The following PTPRD variants were observed in gnomAD, a reference collection of about 807,000 sequenced individuals.
PTPRD encodes the protein protein tyrosine phosphatase receptor type D.
Under a neutral mutation model 214.5 loss-of-function variants are expected in PTPRD, and 34 were observed. The ratio of observed to expected loss-of-function variants is 0.16; its 90% CI spans 0.12 to 0.21. The LOEUF (loss-of-function observed/expected upper bound fraction) is 0.21, where lower values mean the gene tolerates loss of function less well. Among genes scored for constraint, PTPRD ranks in the 10% least tolerant of loss-of-function variants. The pLI is 1.00. For missense variants in PTPRD, 2,545 were observed against 2,398.7 expected (o/e 1.06, Z -1.27); for synonymous variants, 1,128 against 845.7 (o/e 1.33, Z -5.79).
chr9:9,109,450 T>C (rs574468518), intron 10 of PTPRD, among the ~76,000 whole-genome samples: 1 of 152,220 alleles, frequency 6.6e-6, no homozygotes, highest in South Asian at 2.1e-4. Flanking sequence ...TGTATTGCTC[T>C]AAAATGAAGA....
chr9:9,559,367 C>G (rs1322591077), intron 8 of PTPRD, among the ~76,000 whole-genome samples: 2 of 152,226 alleles, frequency 1.3e-5, no homozygotes, highest in African/African-American at 4.8e-5. Flanking sequence ...AACACTGGCA[C>G]TTAGCTCCCT....
chr9:10,080,559 T>G (rs746105535), intron 3 of PTPRD, among the ~76,000 whole-genome samples: 1 of 152,118 alleles, frequency 6.6e-6, no homozygotes, highest in African/African-American at 2.4e-5. Flanking sequence ...CGCAGAAGAC[T>G]CATATTTATT....
At chr9:9,283,710 T>A (rs1167903685) in intron 9 of PTPRD, among the ~76,000 whole-genome samples, 1 of 151,448 alleles carries the variant, frequency 6.6e-6, no homozygotes, top group African/African-American at 2.4e-5. Flanking sequence ...AAATAAAAAA[T>A]TGTTTCTCTT....
At chr9:8,586,694 C>G (rs1383110235) in intron 14 of PTPRD, among the ~76,000 whole-genome samples, 6 of 152,216 alleles carry the variant, frequency 3.9e-5, no homozygotes, top group Non-Finnish European at 8.8e-5. Flanking sequence ...CAGTCACTGT[C>G]TATGCCTTTG....
At chr9:9,387,662 T>C (rs568384158) in intron 9 of PTPRD, among the ~76,000 whole-genome samples, 6 of 152,184 alleles carry the variant, frequency 3.9e-5, no homozygotes, top group South Asian at 2.1e-4. Context: ...CTGAAAGTGA[T>C]AGTACATGCT....
rs755376868 is a variant in PTPRD, at chr9:8,425,136, A to G, written c.4086+11456T>C. On this transcript the variant is annotated intron_variant, in intron 35 of 45. Transcript: ENST00000381196. ...TGCCACTACCATTTTATAATTTTAC[A>G]ATTAAATACATAAATAAGTAAAGTC... Among the ~76,000 whole-genome samples, 26 of 152,298 alleles carry G rather than the reference A, an allele frequency of 1.7e-4. 1 individual carries two copies. Among genetic ancestry groups the G allele is most frequent in the Non-Finnish European group, 2.8e-4 (19 of 68,024 alleles).
intron 8 of PTPRD, among the ~76,000 whole-genome samples, chr9:9,523,679 CACTTG>C (rs2154257739): frequency 6.6e-6 from 1 of 152,264 alleles, no homozygotes; most frequent in Admixed American, 6.5e-5. Context: ...TTACTTGAGG[CACTTG>C]ACACTCTTGA....
At position 8,500,816 on chromosome 9, in the gene PTPRD, G is replaced by A. The variant is rs2136956162; in HGVS notation, c.2066C>T (p.Ala689Val). The A allele has an allele frequency of 6.2e-7, 1 of 1,614,120 alleles. No individual in the cohort carries two copies. The highest frequency in any genetic ancestry group is 8.5e-7 in the Non-Finnish European group (1 of 1,180,010). ...KWTEYRITVT[A>V]HTDVGPGPES... ...AGGGCCAGGGCCGACATCTGTATGG[G>A]CTGTCACAGTGATCCGGTATTCAGT... The change falls in exon 24 of 46, where the codon GCC becomes GTC. Residue 689 changes from alanine to valine, a missense_variant. Transcript: ENST00000381196.
intron 14 of PTPRD, among the ~76,000 whole-genome samples, chr9:8,587,180 G>A (rs16928144): frequency 0.053 from 8,112 of 152,002 alleles, 711 homozygotes; most frequent in African/African-American, 0.19. Context: ...CAAAAAGAAC[G>A]GAAGCCTAGA....
intron 12 of PTPRD, among the ~76,000 whole-genome samples, chr9:8,690,394 G>T (rs1259276151): frequency 6.6e-6 from 1 of 151,844 alleles, no homozygotes; most frequent in African/African-American, 2.4e-5. Flanking sequence ...GGGCATGGTG[G>T]TGGGTGCCTG....
chr9:10,349,983 AT>A (rs1172528056), intron 2 of PTPRD, among the ~76,000 whole-genome samples: 1 of 152,208 alleles, frequency 6.6e-6, no homozygotes, highest in African/African-American at 2.4e-5. Flanking sequence ...GTTTTAAATA[AT>A]TGAAAGAGAA....
chr9:9,425,242 G>A (rs530518693), intron 8 of PTPRD, among the ~76,000 whole-genome samples: 4 of 151,992 alleles, frequency 2.6e-5, no homozygotes, highest in South Asian at 2.1e-4. Flanking sequence ...CTGTCATCAG[G>A]AGAGACATAC....
intron 10 of PTPRD, among the ~76,000 whole-genome samples, chr9:9,163,056 T>C (rs1323569823): frequency 6.6e-6 from 1 of 152,130 alleles, no homozygotes; most frequent in East Asian, 1.9e-4. Flanking sequence ...ACTCCTTTTA[T>C]CTACTCTCAC....
chr9:9,358,392 G>T (rs1176998747), intron 9 of PTPRD, among the ~76,000 whole-genome samples: 2 of 151,186 alleles, frequency 1.3e-5, no homozygotes, highest in Non-Finnish European at 3.0e-5. Context: ...AATCAGAAAA[G>T]AATATACCAG....
intron 5 of PTPRD, among the ~76,000 whole-genome samples, chr9:9,884,911 C>A (rs773881298): frequency 6.6e-5 from 10 of 152,072 alleles, no homozygotes; most frequent in Non-Finnish European, 1.3e-4. Context: ...TCAATTAAAC[C>A]TCTTTCCTTT....
At chr9:10,201,269 A>T (rs1184260640) in intron 3 of PTPRD, among the ~76,000 whole-genome samples, 2 of 152,064 alleles carry the variant, frequency 1.3e-5, no homozygotes, top group Non-Finnish European at 2.9e-5. Context: ...AGAAAATCTG[A>T]TAAGATAAAG....
At chr9:10,255,885 A>T (rs1253044865) in intron 3 of PTPRD, among the ~76,000 whole-genome samples, 10 of 152,176 alleles carry the variant, frequency 6.6e-5, no homozygotes, top group Non-Finnish European at 1.3e-4. Flanking sequence ...CCAGGGATTC[A>T]TAACCCCCAG....
At position 8,726,591 on chromosome 9, in the gene PTPRD, ATATAT is replaced by A. The variant is rs2098569173; in HGVS notation, c.64+7184_64+7188del. 5.2e-4 allele frequency among the ~76,000 whole-genome samples: 6 copies of A among 11,638 alleles called. 2 individuals are homozygous for A. Among genetic ancestry groups the A allele is most frequent in the African/African-American group, 2.0e-3 (4 of 1,970 alleles). The allele number at this position is 11,638 out of a possible 152,430, so 7.6% of individuals were successfully genotyped here. On this transcript the variant is annotated intron_variant, in intron 12 of 45. Coordinates refer to ENST00000381196, the MANE Select transcript of PTPRD (RefSeq NM_002839.4). ...TACTAAAAAAAAAAAAAAAAAAAAT[ATATAT>A]ATATATATATATATATATATATATA... is the stretch of plus-strand genomic sequence containing the variant.
chr9:9,998,675 A>C (rs536338678), intron 4 of PTPRD, among the ~76,000 whole-genome samples: 33 of 152,296 alleles, frequency 2.2e-4, no homozygotes, highest in African/African-American at 7.7e-4. Context: ...AATAGCCAGG[A>C]AAGCAAGAAG....
Sources: gnomAD v4.1 joint callset for allele counts (sites outside exome capture counted in the v4.1 genomes callset) on GRCh38, gnomAD v4.1.1 for gene constraint, MANE v1.5 for transcripts, NCBI Gene and HGNC (gene_info 2026-07-23, HGNC 2026-07-21) for gene names.